The following CNOT6L variants were observed in gnomAD, a reference collection of about 807,000 sequenced individuals.
CNOT6L encodes CCR4-NOT transcription complex subunit 6-like.
CNOT6L carries 7 observed loss-of-function variants against 64.0 expected under a neutral mutation model. That is an observed-to-expected ratio of 0.11 (90% CI 0.06 to 0.21). The LOEUF is 0.21. CNOT6L is among the 10% of genes least tolerant of loss of function. The pLI, the probability that CNOT6L is intolerant of heterozygous loss-of-function variation, is 1.00. For missense variants in CNOT6L, 245 were observed against 669.0 expected, an observed-to-expected ratio of 0.37 and a Z score of 6.99; for synonymous variants, 193 against 243.4, an observed-to-expected ratio of 0.79 and a Z score of 1.93.
chr4:77,759,079 AAG>A (rs1725879004), intron 4 of CNOT6L, among the ~76,000 whole-genome samples: 2 of 152,168 alleles, frequency 1.3e-5, no homozygotes, highest in Non-Finnish European at 2.9e-5. Flanking sequence ...CCTAGCCAGA[AAG>A]AGAGATTAGA....
intron 4 of CNOT6L, among the ~76,000 whole-genome samples, chr4:77,761,880 AC>A (rs1221087337): frequency 1.3e-5 from 2 of 152,192 alleles, no homozygotes; most frequent in African/African-American, 4.8e-5. Flanking sequence ...AAGTAAATTT[AC>A]AAACATCACA....
chr4:77,788,080 T>C (rs1729654173), intron 1 of CNOT6L, among the ~76,000 whole-genome samples: 1 of 152,224 alleles, frequency 6.6e-6, no homozygotes, highest in Non-Finnish European at 1.5e-5. Context: ...GTGGGAAATC[T>C]ACATTCCACA....
intron 1 of CNOT6L, among the ~76,000 whole-genome samples, chr4:77,801,107 G>C (rs1373402249): frequency 6.6e-6 from 1 of 152,166 alleles, no homozygotes; most frequent in Non-Finnish European, 1.5e-5. Context: ...TAAAGAACAA[G>C]AGAACTTACA....
chr4:77,766,544 GAAA>G (rs71661131), intron 4 of CNOT6L, among the ~76,000 whole-genome samples: 1 of 144,098 alleles, frequency 6.9e-6, no homozygotes, highest in Non-Finnish European at 1.5e-5. Flanking sequence ...AACTGGAAAA[GAAA>G]AAAAAAAGCC....
At chr4:77,776,955 A>G (rs1287624611) in intron 1 of CNOT6L, among the ~76,000 whole-genome samples, 1 of 152,212 alleles carries the variant, frequency 6.6e-6, no homozygotes, top group Admixed American at 6.5e-5. Flanking sequence ...GCCACGCAAC[A>G]ACGATAAGGA....
Position 77,720,569 on chromosome 4 carries a change from T to C in CNOT6L, c.1530A>G (p.Gln510=), listed in dbSNP as rs774679185. The change falls in exon 12 of 12, where the codon CAA becomes CAG. Residue 510 remains glutamine (Q), a synonymous_variant. Coordinates refer to ENST00000504123, the MANE Select transcript of CNOT6L (RefSeq NM_144571.3). ...VLGVLGPLDP[Q]WLVENNITGC... ...CAGTGATGTTGTTCTCAACCAGCCATTGAGGATCTAAAGGCCCCAGGACAC... is the reference window on the plus strand; with the variant it reads ...CAGTGATGTTGTTCTCAACCAGCCACTGAGGATCTAAAGGCCCCAGGACAC... 33 of 1,613,174 alleles carry C rather than the reference T, an allele frequency of 2.0e-5. No homozygotes were observed. Among genetic ancestry groups the C allele is most frequent in the African/African-American group, 4.0e-5 (3 of 74,848 alleles).
chr4:77,755,588 A>AT (rs1262308772), intron 5 of CNOT6L, among the ~76,000 whole-genome samples: 1 of 152,168 alleles, frequency 6.6e-6, no homozygotes, highest in East Asian at 1.9e-4. Context: ...ATTGCCACAT[A>AT]TTCCTAATTC....
At position 77,749,591 on chromosome 4, in the gene CNOT6L, G is replaced by A. The variant is rs574212543; in HGVS notation, c.491-1207C>T. ...TTGGTGCTTCCAAATCTTAACTAGT[G>A]TATCACAATGTAGCAGTTTAAGTAT... is the stretch of plus-strand genomic sequence containing the variant. On this transcript the variant is annotated intron_variant, in intron 5 of 11. Transcript: ENST00000504123. 5.9e-4 allele frequency among the ~76,000 whole-genome samples: 90 copies of A among 152,254 alleles called. No homozygotes were observed. The Middle Eastern group carries it at 0.01, about 17-fold the overall frequency.
intron 1 of CNOT6L, among the ~76,000 whole-genome samples, chr4:77,808,480 A>AG (rs1167386210): frequency 2.0e-5 from 3 of 151,488 alleles, no homozygotes; most frequent in African/African-American, 4.9e-5. Flanking sequence ...AAAAAAAAAA[A>AG]AGAGAAGAGA....
At chr4:77,771,564 A>G (rs138990465) in intron 4 of CNOT6L, among the ~76,000 whole-genome samples, 146 of 152,350 alleles carry the variant, frequency 9.6e-4, no homozygotes, top group Admixed American at 1.8e-3. Flanking sequence ...TATTTTAGAT[A>G]TAAGTACTTT....
intron 1 of CNOT6L, among the ~76,000 whole-genome samples, chr4:77,781,513 A>G (rs1158452678): frequency 6.6e-6 from 1 of 152,188 alleles, no homozygotes; most frequent in East Asian, 1.9e-4. Flanking sequence ...GTAACATGCT[A>G]TTTCAATGAA....
chr4:77,763,825 A>T (rs1357370419), intron 4 of CNOT6L, among the ~76,000 whole-genome samples: 1 of 152,242 alleles, frequency 6.6e-6, no homozygotes, highest in Non-Finnish European at 1.5e-5. Context: ...AGCTAACAAT[A>T]AAAATAAATT....
chr4:77,793,252 T>C (rs945208120), intron 1 of CNOT6L, among the ~76,000 whole-genome samples: 21 of 152,258 alleles, frequency 1.4e-4, no homozygotes, highest in Admixed American at 5.9e-4. Flanking sequence ...CCATCAAAAG[T>C]ATCTCTGGAT....
Position 77,726,144 on chromosome 4 carries a change from C to A in CNOT6L, c.1455+23G>T, listed in dbSNP as rs751375348. Reference sequence around the variant, plus strand: ...GCTTGTATCTGAAATAATTTCTACACCTGCCCAAAGGCTGCCACTCACTTT... The same window carrying A: ...GCTTGTATCTGAAATAATTTCTACAACTGCCCAAAGGCTGCCACTCACTTT... On this transcript the variant is annotated intron_variant, in intron 11 of 11. Coordinates refer to ENST00000504123, the MANE Select transcript of CNOT6L (RefSeq NM_144571.3). 3 of 1,604,264 alleles carry A rather than the reference C, an allele frequency of 1.9e-6. No individual in the cohort carries two copies. The African/African-American group carries it at 4.0e-5, about 21-fold the overall frequency.
chr4:77,789,729 T>C (rs571592690), intron 1 of CNOT6L, among the ~76,000 whole-genome samples: 2 of 150,702 alleles, frequency 1.3e-5, no homozygotes, highest in South Asian at 2.1e-4. Context: ...GGTGGGCAGA[T>C]GGCATGAGCT....
chr4:77,751,750 G>T (rs1036216376), intron 5 of CNOT6L, among the ~76,000 whole-genome samples: 1 of 152,206 alleles, frequency 6.6e-6, no homozygotes, highest in Non-Finnish European at 1.5e-5. Context: ...TTCAAGGACT[G>T]AAAGAAAAGA....
chr4:77,730,873 A>C (rs139932003), intron 9 of CNOT6L, among the ~76,000 whole-genome samples: 1 of 152,228 alleles, frequency 6.6e-6, no homozygotes, highest in African/African-American at 2.4e-5. Context: ...TGAAGTACAT[A>C]ATGAGTTTCT....
chr4:77,783,896 T>C (rs965954250), intron 1 of CNOT6L, among the ~76,000 whole-genome samples: 1 of 148,742 alleles, frequency 6.7e-6, no homozygotes, highest in African/African-American at 2.4e-5. Flanking sequence ...ATTAAATTTA[T>C]TAAATATATT....
At chr4:77,815,961 T>G (rs1335467995) in intron 1 of CNOT6L, among the ~76,000 whole-genome samples, 3 of 152,228 alleles carry the variant, frequency 2.0e-5, no homozygotes, top group Admixed American at 2.0e-4. Context: ...AATTTTGGAA[T>G]GTATTTATTA....
Sources: gnomAD v4.1 joint callset for allele counts (sites outside exome capture counted in the v4.1 genomes callset) on GRCh38, gnomAD v4.1.1 for gene constraint, MANE v1.5 for transcripts, NCBI Gene and HGNC (gene_info 2026-07-23, HGNC 2026-07-21) for gene names.